Variants in FAT3 observed in about 807,000 individuals in gnomAD.
The protein encoded by FAT3 is protocadherin Fat 3.
In FAT3, 95 loss-of-function variants were observed where a neutral mutation model predicts 310.2. The observed-to-expected ratio is 0.31, with a 90% CI of 0.26 to 0.36. The LOEUF is 0.36. Ranked by LOEUF, FAT3 falls within the 10% of genes least tolerant of loss-of-function variation. The pLI, the probability that FAT3 is intolerant of heterozygous loss-of-function variation, is 1.00. For missense variants in FAT3, 5,408 were observed against 5,715.6 expected, an observed-to-expected ratio of 0.95 and a Z score of 1.74; for synonymous variants, 2,314 against 2,192.9, an observed-to-expected ratio of 1.06 and a Z score of -1.54.
intron 2 of FAT3, among the ~76,000 whole-genome samples, chr11:92,491,861 C>T (rs1952608835): frequency 6.6e-6 from 1 of 151,972 alleles, no homozygotes; most frequent in Non-Finnish European, 1.5e-5. Flanking sequence ...CAGACCTGTG[C>T]TTATTTTCTT....
chr11:92,825,359 G>T (rs1264706922), intron 13 of FAT3, among the ~76,000 whole-genome samples: 1 of 152,058 alleles, frequency 6.6e-6, no homozygotes, highest in Non-Finnish European at 1.5e-5. Context: ...ACTGGGAGAG[G>T]GGATATGCAT....
chr11:92,852,132 G>T (rs1948846691), intron 19 of FAT3, among the ~76,000 whole-genome samples: 1 of 152,132 alleles, frequency 6.6e-6, no homozygotes, highest in Admixed American at 6.6e-5. Context: ...AGACCAAGGG[G>T]ACACATAACA....
At chr11:92,555,594 C>A (rs926360381) in intron 3 of FAT3, among the ~76,000 whole-genome samples, 3 of 152,166 alleles carry the variant, frequency 2.0e-5, no homozygotes, top group Non-Finnish European at 4.4e-5. Flanking sequence ...CAGAGCCAAG[C>A]TCAGCAGAGA....
chr11:92,374,993 CA>C (rs1949302838), intron 2 of FAT3, among the ~76,000 whole-genome samples: 1 of 152,174 alleles, frequency 6.6e-6, no homozygotes, highest in African/African-American at 2.4e-5. Context: ...GAGCATAAAA[CA>C]TTCACGCAGA....
At chr11:92,502,584 C>T (rs1031290940) in intron 2 of FAT3, among the ~76,000 whole-genome samples, 7 of 151,994 alleles carry the variant, frequency 4.6e-5, no homozygotes, top group African/African-American at 1.7e-4. Flanking sequence ...ACATGTGAAG[C>T]AGAAGAGGCT....
intron 4 of FAT3, among the ~76,000 whole-genome samples, chr11:92,738,676 C>A (rs1043217954): frequency 2.0e-5 from 3 of 152,126 alleles, no homozygotes; most frequent in African/African-American, 7.2e-5. Context: ...ATTTATGCAA[C>A]AAATATGTTT....
intron 2 of FAT3, among the ~76,000 whole-genome samples, chr11:92,425,082 T>G (rs1591270625): frequency 1.3e-5 from 2 of 152,232 alleles, no homozygotes; most frequent in South Asian, 4.1e-4. Context: ...GTGTCACATT[T>G]AACTTGTTTT....
At chr11:92,430,292 G>A (rs935534370) in intron 2 of FAT3, among the ~76,000 whole-genome samples, 3 of 152,096 alleles carry the variant, frequency 2.0e-5, no homozygotes, top group African/African-American at 7.2e-5. Context: ...TCTTATCAAT[G>A]TTCTTAGCTT....
intron 2 of FAT3, among the ~76,000 whole-genome samples, chr11:92,437,277 T>C (rs1950960191): frequency 6.6e-6 from 1 of 152,208 alleles, no homozygotes; most frequent in Non-Finnish European, 1.5e-5. Context: ...GTTTTGGTAG[T>C]AATTTAACCC....
At chr11:92,456,475 C>T (rs759968836) in intron 2 of FAT3, among the ~76,000 whole-genome samples, 6 of 152,044 alleles carry the variant, frequency 3.9e-5, no homozygotes, top group East Asian at 1.9e-4. Context: ...AAAAAAATCA[C>T]GCAAAACAGC....
At chr11:92,557,781 C>A (rs192113403) in intron 3 of FAT3, among the ~76,000 whole-genome samples, 4 of 152,278 alleles carry the variant, frequency 2.6e-5, no homozygotes, top group Admixed American at 2.0e-4. Context: ...CCTGTGATGT[C>A]TTAAAATGTC....
chr11:92,291,887 T>C (rs1302350311), intron 1 of FAT3, among the ~76,000 whole-genome samples: 2 of 152,092 alleles, frequency 1.3e-5, no homozygotes, highest in Non-Finnish European at 1.5e-5. Context: ...TCCTTGTACT[T>C]TGGGATTCAG....
intron 1 of FAT3, among the ~76,000 whole-genome samples, chr11:92,280,935 A>C (rs535680250): frequency 8.4e-4 from 128 of 152,298 alleles, no homozygotes; most frequent in African/African-American, 2.9e-3. Context: ...CTTAAAATCT[A>C]GGTTCTCTTT....
chr11:92,825,700 G>C (rs1948084320), intron 13 of FAT3, among the ~76,000 whole-genome samples: 1 of 152,114 alleles, frequency 6.6e-6, no homozygotes, highest in African/African-American at 2.4e-5. Context: ...GCTTCTGTTT[G>C]TAGGAAGTTG....
intron 3 of FAT3, among the ~76,000 whole-genome samples, chr11:92,589,814 A>C (rs193135816): frequency 6.6e-6 from 1 of 152,102 alleles, no homozygotes; most frequent in South Asian, 2.1e-4. Flanking sequence ...GTCTACTTCT[A>C]TATCAAGCAC....
At chr11:92,418,428 A>ACCC (rs370658531) in intron 2 of FAT3, among the ~76,000 whole-genome samples, 1,043 of 62,318 alleles carry the variant, frequency 0.017, 34 homozygotes, top group East Asian at 0.025. Context: ...CACCCCCCCC[A>ACCC]CCCCCCCACA....
chr11:92,499,754 T>TGTGTGTGTGTGTGTGTGA (rs1952881636), intron 2 of FAT3, among the ~76,000 whole-genome samples: 2 of 150,648 alleles, frequency 1.3e-5, no homozygotes, highest in South Asian at 4.2e-4. Context: ...TGTGTGTGTG[T>TGTGTGTGTGTGTGTGTGA]GAAAAGTCAC....
In FAT3 at chr11:92,865,737, C is replaced by A. The variant is rs114767207; in HGVS notation, c.11659-1004C>A. ...CACAGGGGATTCAAAGACATGTTTT[C>A]TTTGCAGCAGTTGAGCCTGGGGCTC... On this transcript the variant is annotated intron_variant, in intron 21 of 27. Transcript: ENST00000525166. 8.5e-3 allele frequency among the ~76,000 whole-genome samples: 1,302 copies of A among 152,330 alleles called. 21 individuals carry two copies. Among genetic ancestry groups the A allele is most frequent in the African/African-American group, 0.029 (1,226 of 41,562 alleles).
At chr11:92,662,856 T>C (rs1239560997) in intron 3 of FAT3, among the ~76,000 whole-genome samples, 1 of 152,246 alleles carries the variant, frequency 6.6e-6, no homozygotes, top group African/African-American at 2.4e-5. Flanking sequence ...GGCAATGTGA[T>C]AAGAAGTCTC....
Sources: allele counts gnomAD v4.1 joint callset (sites outside exome capture counted in the v4.1 genomes callset), GRCh38; gene constraint gnomAD v4.1.1; transcripts MANE v1.5; gene names NCBI Gene and HGNC (gene_info 2026-07-23, HGNC 2026-07-21).